The following C1orf94 variants were observed in gnomAD, a reference collection of about 807,000 sequenced individuals.
C1orf94 encodes the protein uncharacterized protein C1orf94.
In C1orf94, 45 loss-of-function variants were observed where a neutral mutation model predicts 53.6. The ratio of observed to expected loss-of-function variants is 0.84; its 90% CI spans 0.66 to 1.08. The LOEUF (loss-of-function observed/expected upper bound fraction) is 1.08. C1orf94 is among the 50% of genes least tolerant of loss of function. C1orf94 has a pLI of 0.00. For synonymous variants in C1orf94, 304 were observed against 296.1 expected, an observed-to-expected ratio of 1.03 and a Z score of -0.27; for missense variants, 762 against 738.9, an observed-to-expected ratio of 1.03 and a Z score of -0.36.
At chr1:34,169,279 C>A (rs145450859) in intron 1 of C1orf94, among the ~76,000 whole-genome samples, 2 of 152,096 alleles carry the variant, frequency 1.3e-5, no homozygotes, top group African/African-American at 4.8e-5. Context: ...ACAGCCTACC[C>A]GCATCTAGCC....
upstream of C1orf94, among the ~76,000 whole-genome samples, chr1:34,175,622 G>A (rs1642212636): frequency 6.6e-6 from 1 of 152,120 alleles, no homozygotes; most frequent in Non-Finnish European, 1.5e-5. Context: ...TCTGTAAAGA[G>A]CAAGGTTGCG....
At chr1:34,172,135 C>T (rs1415436127), upstream of C1orf94, among the ~76,000 whole-genome samples, 2 of 152,196 alleles carry the variant, frequency 1.3e-5, no homozygotes, top group Non-Finnish European at 1.5e-5. Context: ...TAAAGGGCCT[C>T]GCCAGGAATC....
At chr1:34,189,624 G>T (rs1356655145) in intron 1 of C1orf94, among the ~76,000 whole-genome samples, 1 of 148,164 alleles carries the variant, frequency 6.7e-6, no homozygotes, top group Non-Finnish European at 1.5e-5. Context: ...CTGAGCCAGG[G>T]TGGGCTCCAC....
At chr1:34,208,393 A>T (rs1642834709) in intron 5 of C1orf94, among the ~76,000 whole-genome samples, 159 bp downstream of exon 5, 1 of 152,184 alleles carries the variant, frequency 6.6e-6, no homozygotes, top group South Asian at 2.1e-4. Flanking sequence ...TGTGGAAAAC[A>T]CAAACCGATG....
At chr1:34,200,420 G>A (rs1295081202) in intron 2 of C1orf94, among the ~76,000 whole-genome samples, 1 of 152,174 alleles carries the variant, frequency 6.6e-6, no homozygotes, top group African/African-American at 2.4e-5. Flanking sequence ...TGAAGGGGTG[G>A]ATGGATGGAA....
rs147248695 is a variant in C1orf94, at chr1:34,218,701, C to T, written c.1737C>T (p.Ser579=). Residue 579 remains serine, a synonymous_variant, in exon 7 of 7, where the codon TCC becomes TCT. Transcript: ENST00000488417. ...TCTCTTCCAGGTTCGGCTCGACATC[C>T]GGAGGGCCCTTGATGCACAGCCCCT... is the stretch of plus-strand genomic sequence containing the variant. ...FPQGYGFGST[S]GGPLMHSPYF... 2.4e-5 allele frequency: 38 copies of T among 1,612,128 alleles called. No individual in the cohort carries two copies. Among genetic ancestry groups the T allele is most frequent in the Non-Finnish European group, 2.4e-5 (28 of 1,178,784 alleles).
chr1:34,197,918 G>C lies in C1orf94; in HGVS notation c.1009+5G>C. On this transcript the variant is annotated splice_donor_5th_base_variant and intron_variant, in intron 2 of 6. Coordinates refer to ENST00000488417, the MANE Select transcript of C1orf94 (RefSeq NM_001134734.2). This position sits in a 1 kb window ranked among gnomAD's most constrained non-coding sequence, Gnocchi z 4.1. The stretch of plus-strand genomic sequence containing the variant: ...TGGAGAGGCACCACTTGATGGGTGA[G>C]TGGGGTTGGAACTGGGGTAGAGTGG... 1 of 1,609,918 alleles carries C rather than the reference G, an allele frequency of 6.2e-7. No individual in the cohort carries two copies. Among genetic ancestry groups the C allele is most frequent in the Non-Finnish European group, 8.5e-7 (1 of 1,177,612 alleles).
Position 34,218,725 on chromosome 1 carries a change from C to T in C1orf94, c.1761C>T (p.Pro587=), listed in dbSNP as rs772244049. ...STSGGPLMHS[P]YFSSSGNGIN... ...CCGGAGGGCCCTTGATGCACAGCCC[C>T]TATTTTTCTTCCAGTGGGAATGGCA... Residue 587 remains proline (P), a synonymous_variant, in exon 7 of 7, where the codon CCC becomes CCT. Coordinates refer to ENST00000488417, the MANE Select transcript of C1orf94 (RefSeq NM_001134734.2). 40 of 1,612,822 alleles carry T rather than the reference C, an allele frequency of 2.5e-5. No individual in the cohort carries two copies. Among genetic ancestry groups the T allele is most frequent in the Non-Finnish European group, 3.4e-5 (40 of 1,179,264 alleles).
chr1:34,175,059 G>A (rs1642202988), upstream of C1orf94, among the ~76,000 whole-genome samples: 1 of 152,092 alleles, frequency 6.6e-6, no homozygotes, highest in Non-Finnish European at 1.5e-5. Context: ...GTGGCTAGTG[G>A]CTACCATATG....
At chr1:34,189,197 GTT>G (rs1346657671) in intron 1 of C1orf94, among the ~76,000 whole-genome samples, 3 of 149,578 alleles carry the variant, frequency 2.0e-5, no homozygotes, top group Non-Finnish European at 2.9e-5. Context: ...GCACATGGGT[GTT>G]TGTACATGGC....
chr1:34,205,168 A>G (rs757414095), intron 4 of C1orf94, among the ~76,000 whole-genome samples: 5 of 152,194 alleles, frequency 3.3e-5, no homozygotes, highest in Non-Finnish European at 5.9e-5. Flanking sequence ...TTAGCATCAT[A>G]GGGCTGACTA....
At chr1:34,193,099 T>C (rs1322283123) in intron 1 of C1orf94, among the ~76,000 whole-genome samples, 4 of 151,982 alleles carry the variant, frequency 2.6e-5, no homozygotes, top group African/African-American at 9.7e-5. Context: ...AGGGGCGTGG[T>C]GGAAGGAGAC....
rs11805355 is a variant in C1orf94, at chr1:34,190,615, A to G, written c.321-6610A>G. ...CCTCTTCTGCTCTCCTAACTTAGGT[A>G]TCCATCACTAGTATTCTCACACACA... is the stretch of plus-strand genomic sequence containing the variant. On this transcript the variant is annotated intron_variant, in intron 1 of 6. Transcript: ENST00000488417. 9.8e-3 allele frequency among the ~76,000 whole-genome samples: 1,495 copies of G among 152,326 alleles called. 24 individuals carry two copies. The highest frequency in any genetic ancestry group is 0.034 in the African/African-American group (1,403 of 41,558).
At chr1:34,179,752 T>TTG (rs1557476635) in intron 1 of C1orf94, among the ~76,000 whole-genome samples, 4 of 152,104 alleles carry the variant, frequency 2.6e-5, no homozygotes, top group Non-Finnish European at 4.4e-5. Flanking sequence ...TGTTGTTGTT[T>TTG]TTGTTGTTGT....
chr1:34,215,710 C>A (rs549386919), intron 6 of C1orf94, among the ~76,000 whole-genome samples: 2 of 152,292 alleles, frequency 1.3e-5, no homozygotes, highest in African/African-American at 4.8e-5. Flanking sequence ...AATGCCAAAA[C>A]ACTAAGGTCA....
chr1:34,170,785 A>G (rs552047475), intron 1 of C1orf94, among the ~76,000 whole-genome samples: 2 of 151,356 alleles, frequency 1.3e-5, no homozygotes, highest in Admixed American at 6.6e-5. Flanking sequence ...CAGCTCCCCA[A>G]TTCAGGGAAC....
At chr1:34,209,515 C>T (rs1214780957) in intron 5 of C1orf94, among the ~76,000 whole-genome samples, 1 of 152,160 alleles carries the variant, frequency 6.6e-6, no homozygotes, top group Non-Finnish European at 1.5e-5. Context: ...TAGCACCAGG[C>T]TGGCCTTGCT....
At position 34,177,122 on chromosome 1, in the gene C1orf94, G is replaced by A. The variant is rs1642239054; in HGVS notation, c.-668G>A. ...GGGTCTGCTGGGGGCCGGGGACTAA[G>A]GGCTGTGGGCCCATCCACACACGCC... On this transcript the variant is annotated 5_prime_UTR_variant, in exon 1 of 7. Coordinates refer to ENST00000488417, the MANE Select transcript of C1orf94 (RefSeq NM_001134734.2). 6.6e-6 allele frequency among the ~76,000 whole-genome samples: 1 copy of A among 152,254 alleles called. No homozygotes were observed. The highest frequency in any genetic ancestry group is 2.1e-4 in the South Asian group (1 of 4,834).
intron 3 of C1orf94, 65 bp downstream of exon 3, chr1:34,201,097 G>T: frequency 6.6e-7 from 1 of 1,526,288 alleles, no homozygotes; most frequent in South Asian, 1.2e-5. Context: ...ACAGGCTTCA[G>T]GGTGGCTCTG....
Sources: gnomAD v4.1 joint callset for allele counts (sites outside exome capture counted in the v4.1 genomes callset) on GRCh38, gnomAD v4.1.1 for gene constraint, Gnocchi (gnomAD v3.1) non-coding constraint, MANE v1.5 for transcripts, NCBI Gene and HGNC (gene_info 2026-07-23, HGNC 2026-07-21) for gene names.